Variants in CLK3 observed in about 807,000 individuals in gnomAD.
CLK3 encodes CDC like kinase 3, also known as dual specificity protein kinase CLK3.
Under a neutral mutation model 65.2 loss-of-function variants are expected in CLK3, and 24 were observed. The ratio of observed to expected loss-of-function variants is 0.37; its 90% CI spans 0.27 to 0.52. The LOEUF (loss-of-function observed/expected upper bound fraction) is 0.52. CLK3 is among the 20% of genes least tolerant of loss of function. The pLI, the probability that CLK3 is intolerant of heterozygous loss-of-function variation, is 0.92. For synonymous variants in CLK3, 252 were observed against 240.8 expected, an observed-to-expected ratio of 1.05 and a Z score of -0.43; for missense variants, 506 against 660.0, an observed-to-expected ratio of 0.77 and a Z score of 2.56.
At position 74,622,278 on chromosome 15, in the gene CLK3, C is replaced by T; in HGVS notation, c.466+62C>T. 2.7e-6 allele frequency: 4 copies of T among 1,508,402 alleles called. No homozygotes were observed. The highest frequency in any genetic ancestry group is 3.6e-6 in the Non-Finnish European group (4 of 1,095,908). 93.4% of individuals were successfully genotyped at this position (1,508,402 alleles called of 1,614,324 possible). ...TTCTACCCCCCTTGTTAGACGAGAC[C>T]TCTCCTGCCTGGAGGGGCCTCTAGT... On this transcript the variant is annotated intron_variant, in intron 4 of 12. Coordinates refer to ENST00000395066, the MANE Select transcript of CLK3 (RefSeq NM_001130028.2). The surrounding 1 kb of genome is among the most constrained non-coding windows in gnomAD (Gnocchi z 4.6).
Position 74,627,514 on chromosome 15 carries a change from C to T in CLK3, c.913-25C>T, listed in dbSNP as rs1273912452. On this transcript the variant is annotated intron_variant, in intron 8 of 12. Transcript: ENST00000395066. This position sits in a 1 kb window ranked among gnomAD's most constrained non-coding sequence, Gnocchi z 4.3. ...TTACCCGCTGGTGCAGACTCCTGAC[C>T]TGGCAGGCCTGCCTTGCCTTTCAGA... 1.2e-6 allele frequency: 2 copies of T among 1,614,234 alleles called. No homozygotes were observed. The highest frequency in any genetic ancestry group is 1.7e-6 in the Non-Finnish European group (2 of 1,180,034).
At chr15:74,611,899 G>A (rs1313665135), upstream of CLK3, among the ~76,000 whole-genome samples, 1 of 152,224 alleles carries the variant, frequency 6.6e-6, no homozygotes, top group Non-Finnish European at 1.5e-5. Flanking sequence ...CTTTGGCTGA[G>A]CACGCACTAA....
intron 6 of CLK3, 97 bp from the exon 7 acceptor site, chr15:74,625,705 T>G: frequency 7.7e-7 from 1 of 1,294,212 alleles, no homozygotes; most frequent in African/African-American, 1.5e-5. Context: ...TGTGACCCGG[T>G]GGCCTAGGAG....
At chr15:74,619,901 T>C (rs573514601) in intron 2 of CLK3, 108 bp from the exon 3 acceptor site, 1 of 1,540,204 alleles carries the variant, frequency 6.5e-7, no homozygotes, top group Non-Finnish European at 8.7e-7. Flanking sequence ...TGGATGCTTT[T>C]AGCACAGGCT....
chr15:74,624,119 A>G lies in CLK3; in HGVS notation c.534-783A>G, dbSNP rs1043093281. 1 of 152,264 alleles carries G rather than the reference A, an allele frequency of 6.6e-6. No homozygotes were observed. Among genetic ancestry groups the G allele is most frequent in the African/African-American group, 2.4e-5 (1 of 41,446 alleles). The allele number at this position is 152,264 out of a possible 1,614,324, so 9.4% of individuals were successfully genotyped here. On this transcript the variant is annotated intron_variant, in intron 5 of 12. Coordinates refer to ENST00000395066, the MANE Select transcript of CLK3 (RefSeq NM_001130028.2). The surrounding 1 kb of genome is among the most constrained non-coding windows in gnomAD (Gnocchi z 4.2). Reference sequence around the variant, plus strand: ...CTCAGAGGACACGCCCTTCCAGGCTAGGACTGTCTCGTTCCCCACTGGGCA... The same window carrying G: ...CTCAGAGGACACGCCCTTCCAGGCTGGGACTGTCTCGTTCCCCACTGGGCA...
At position 74,628,033 on chromosome 15, in the gene CLK3, G is replaced by A. The variant is rs751175926; in HGVS notation, c.1106G>A (p.Arg369Gln). The A allele has an allele frequency of 8.7e-6, 14 of 1,612,426 alleles. No individual in the cohort carries two copies. The highest frequency in any genetic ancestry group is 3.3e-5 in the Admixed American group (2 of 59,996). ...SIGCILFEYY[R>Q]GFTLFQTHEN... is the part of the protein sequence containing the mutation. ...GGCTGCATTCTCTTTGAGTACTACC[G>A]GGGCTTCACACTCTTCCAGGTACAG... The change falls in exon 10 of 13, where the codon CGG becomes CAG. Residue 369 changes from arginine (R) to glutamine (Q), a missense_variant. Physicochemically the swap from Arg to Gln is conservative, Grantham distance 43. This residue lies in a region of CLK3 where 325 missense variants were observed against 500.5 expected (regional missense o/e 0.65). Transcript: ENST00000395066.
chr15:74,624,672 A>G lies in CLK3; in HGVS notation c.534-230A>G. ...GCAGTGGCTGAGAACATAAAAGCCTAAGGATGGCAAGGATGCTAAGAGCAT... is the reference window on the plus strand; with the variant it reads ...GCAGTGGCTGAGAACATAAAAGCCTGAGGATGGCAAGGATGCTAAGAGCAT... On this transcript the variant is annotated intron_variant, in intron 5 of 12. Coordinates refer to ENST00000395066, the MANE Select transcript of CLK3 (RefSeq NM_001130028.2). This position sits in a 1 kb window ranked among gnomAD's most constrained non-coding sequence, Gnocchi z 4.2. 3.5e-6 allele frequency: 2 copies of G among 578,278 alleles called. No individual in the cohort carries two copies. Among genetic ancestry groups the G allele is most frequent in the South Asian group, 4.2e-5 (2 of 47,840 alleles). 35.8% of individuals were successfully genotyped at this position (578,278 alleles called of 1,614,324 possible).
intron 7 of CLK3, among the ~76,000 whole-genome samples, chr15:74,626,343 G>A (rs1006699867): frequency 6.6e-6 from 1 of 152,218 alleles, no homozygotes; most frequent in African/African-American, 2.4e-5. Flanking sequence ...GAGACCCTCG[G>A]TCTAACCCTG....
chr15:74,622,366 C>T lies in CLK3; in HGVS notation c.467-128C>T. On this transcript the variant is annotated intron_variant, in intron 4 of 12. Coordinates refer to ENST00000395066, the MANE Select transcript of CLK3 (RefSeq NM_001130028.2). The surrounding 1 kb of genome is among the most constrained non-coding windows in gnomAD (Gnocchi z 4.6). ...GAATGACACAGACACTAGCAACTTC[C>T]ATTTTTAAGAGTGTAGCAGTGAGAG... The T allele has an allele frequency of 9.6e-7, 1 of 1,046,556 alleles. No individual in the cohort carries two copies. The highest frequency in any genetic ancestry group is 1.5e-5 in the South Asian group (1 of 67,202). The allele number at this position is 1,046,556 out of a possible 1,614,324, so 64.8% of individuals were successfully genotyped here.
rs142670255 is a variant in CLK3 at position 74,622,130 on chromosome 15, A to T, written c.380A>T (p.Gln127Leu). The change falls in exon 4 of 13, where the codon CAG becomes CTG. Residue 127 changes from glutamine to leucine, a missense_variant. By Grantham distance (113) the Gln-to-Leu change is moderately radical. Transcript: ENST00000395066. This position sits in a 1 kb window ranked among gnomAD's most constrained non-coding sequence, Gnocchi z 4.6. ...GGGCGGTGCATGCAGAGAAGCCAAC[A>T]GAGCAGTAAGCGCAGCAGCCGGAGT... Reference protein sequence around the residue: ...SCSSASSRSQQSSKRSSRSVE... With the variant: ...SCSSASSRSQLSSKRSSRSVE... 2 of 1,614,036 alleles carry T rather than the reference A, an allele frequency of 1.2e-6. No individual in the cohort carries two copies. Among genetic ancestry groups the T allele is most frequent in the Non-Finnish European group, 1.7e-6 (2 of 1,180,022 alleles).
chr15:74,615,737 G>T, upstream of CLK3: 1 of 1,238,226 alleles, frequency 8.1e-7, no homozygotes, highest in Non-Finnish European at 1.0e-6. Context: ...CTTCGAGTCG[G>T]GGGCTAGAGC....
chr15:74,622,569 G>A lies in CLK3; in HGVS notation c.533+9G>A. 2 of 1,606,698 alleles carry A rather than the reference G, an allele frequency of 1.2e-6. No individual in the cohort carries two copies. The highest frequency in any genetic ancestry group is 1.1e-5 in the South Asian group (1 of 89,872). On this transcript the variant is annotated intron_variant, in intron 5 of 12. Coordinates refer to ENST00000395066, the MANE Select transcript of CLK3 (RefSeq NM_001130028.2). The surrounding 1 kb of genome is among the most constrained non-coding windows in gnomAD (Gnocchi z 4.6). ...TGCTTGGACCATGCCAGGTGAGCGA[G>A]CTGCGGCAGTACAGCTGGCTCCGGA...
chr15:74,615,646 G>A, upstream of CLK3: 3 of 1,250,432 alleles, frequency 2.4e-6, no homozygotes, highest in Non-Finnish European at 3.0e-6. Context: ...GGCCGGGCCA[G>A]GCTCGTCCCC....
In CLK3 at chr15:74,629,989, A is replaced by AGTGG. The variant is rs961986638; in HGVS notation, c.*109_*110insGGTG. On this transcript the variant is annotated 3_prime_UTR_variant, in exon 13 of 13. Transcript: ENST00000395066. ...CCCAGGCCAGAGCCACCCAATGAAC[A>AGTGG]GTGCAATGTGAAGGAAGGCAGGAGC... 3.2e-5 allele frequency: 36 copies of AGTGG among 1,121,336 alleles called. No individual in the cohort carries two copies. The Middle Eastern group carries it at 8.9e-4, about 28-fold the overall frequency. The allele number at this position is 1,121,336 out of a possible 1,614,324, so 69.5% of individuals were successfully genotyped here.
At chr15:74,615,227 T>G, upstream of CLK3, 1 of 405,374 alleles carries the variant, frequency 2.5e-6, no homozygotes, top group South Asian at 1.4e-4. Flanking sequence ...GGGGATCTCC[T>G]CCCTCCAGAC....
intron 12 of CLK3, chr15:74,629,310 T>C (rs899081940): frequency 1.3e-5 from 7 of 544,282 alleles, no homozygotes; most frequent in African/African-American, 9.6e-5. Flanking sequence ...TTCCTGTCCC[T>C]CTCTCTCCTC....
chr15:74,615,615 G>T (rs1025001571), upstream of CLK3: 4 of 1,251,636 alleles, frequency 3.2e-6, no homozygotes, highest in Non-Finnish European at 4.0e-6. Context: ...ACCTACGTGC[G>T]CCGCGACACG....
At chr15:74,615,446 C>A, upstream of CLK3, 2 of 1,285,226 alleles carry the variant, frequency 1.6e-6, no homozygotes, top group Non-Finnish European at 2.0e-6. Flanking sequence ...CTCCGGGGCC[C>A]CGAGAACAAT....
Position 74,629,022 on chromosome 15 carries a change from A to G in CLK3, c.1286A>G (p.Lys429Arg). ...GGCCGGTATGTGAAGGAGAACTGCA[A>G]ACCTCTGAAGGTCAGTTTCTGGCTA... ...SDGRYVKENCKPLKSYMLQDS... is the reference protein window; with the variant it reads ...SDGRYVKENCRPLKSYMLQDS... The change falls in exon 12 of 13, where the codon AAA (lysine) becomes AGA (arginine). Residue 429 changes from lysine (K) to arginine (R), a missense_variant. Lys to Arg is a conservative substitution (Grantham distance 26). Around this residue, in one of 2 missense-constraint regions of CLK3, gnomAD observed 325 missense variants for 500.5 expected, o/e 0.65. Transcript: ENST00000395066. 1 of 1,613,010 alleles carries G rather than the reference A, an allele frequency of 6.2e-7. No individual in the cohort carries two copies. The highest frequency in any genetic ancestry group is 8.5e-7 in the Non-Finnish European group (1 of 1,178,940).
Sources: gnomAD v4.1 joint callset for allele counts (sites outside exome capture counted in the v4.1 genomes callset) on GRCh38, gnomAD v4.1.1 for gene constraint, gnomAD v4.1.1 regional missense constraint, Gnocchi (gnomAD v3.1) non-coding constraint, MANE v1.5 for transcripts, NCBI Gene and HGNC (gene_info 2026-07-23, HGNC 2026-07-21) for gene names.